PTPRM: variants seen among roughly 807,000 people sequenced by gnomAD.
The protein encoded by PTPRM is receptor-type tyrosine-protein phosphatase mu.
Under a neutral mutation model 186.7 loss-of-function variants are expected in PTPRM, and 47 were observed. The ratio of observed to expected loss-of-function variants is 0.25; its 90% CI spans 0.20 to 0.32. The LOEUF (loss-of-function observed/expected upper bound fraction) is 0.32. Ranked by LOEUF, PTPRM falls within the 10% of genes least tolerant of loss-of-function variation. The probability of loss-of-function intolerance (pLI) is 1.00; values close to 1 mark genes in which losing one functional copy is unlikely to be tolerated. For missense variants in PTPRM, 1,494 were observed against 1,865.0 expected (o/e 0.80, Z 3.66); for synonymous variants, 668 against 674.9 (o/e 0.99, Z 0.16).
intron 14 of PTPRM, among the ~76,000 whole-genome samples, chr18:8,190,387 T>C (rs978862): frequency 0.4 from 61,097 of 152,084 alleles, 13,132 homozygotes; most frequent in East Asian, 0.81. Flanking sequence ...TTTCTGTGCC[T>C]GTCTTCACTT....
chr18:8,232,522 C>T (rs1176297032), intron 14 of PTPRM, among the ~76,000 whole-genome samples: 1 of 152,146 alleles, frequency 6.6e-6, no homozygotes, highest in Non-Finnish European at 1.5e-5. Flanking sequence ...AGGAAACTGA[C>T]AAACTGTTTT....
chr18:8,118,017 T>C (rs993407012), intron 13 of PTPRM, among the ~76,000 whole-genome samples: 1 of 152,130 alleles, frequency 6.6e-6, no homozygotes, highest in Non-Finnish European at 1.5e-5. Context: ...TGGTAACTAG[T>C]AGGGTGGAAA....
intron 11 of PTPRM, among the ~76,000 whole-genome samples, chr18:8,098,887 TA>T (rs2091143825): frequency 6.6e-6 from 1 of 152,136 alleles, no homozygotes; most frequent in South Asian, 2.1e-4. Context: ...CCCAGCTTAA[TA>T]ACCCATCAGT....
chr18:8,345,193 C>T (rs2095498512), intron 23 of PTPRM, among the ~76,000 whole-genome samples: 1 of 151,922 alleles, frequency 6.6e-6, no homozygotes, highest in Admixed American at 6.6e-5. Flanking sequence ...ACCAACTAAG[C>T]ATCTAATTCA....
chr18:8,130,202 T>A (rs563853330), intron 13 of PTPRM, among the ~76,000 whole-genome samples: 1 of 152,198 alleles, frequency 6.6e-6, no homozygotes, highest in Non-Finnish European at 1.5e-5. Flanking sequence ...CTTTTCCAGC[T>A]TAGCTACCCT....
intron 1 of PTPRM, among the ~76,000 whole-genome samples, chr18:7,586,341 A>G (rs1008321821): frequency 1.3e-5 from 2 of 152,124 alleles, no homozygotes; most frequent in African/African-American, 4.8e-5. Context: ...TGCACTGGCA[A>G]TGAGGTGGCA....
Position 8,225,105 on chromosome 18 carries a change from C to T in PTPRM, c.2301-18953C>T, listed in dbSNP as rs529934910. On this transcript the variant is annotated intron_variant, in intron 14 of 32. Coordinates refer to ENST00000580170, the MANE Select transcript of PTPRM (RefSeq NM_001105244.2). Reference sequence around the variant, plus strand: ...ATTTCAAAATGGTGACATCTTAATTCTGTCATTCCTTCTGTATTTATTAAG... The same window carrying T: ...ATTTCAAAATGGTGACATCTTAATTTTGTCATTCCTTCTGTATTTATTAAG... Among the ~76,000 whole-genome samples the T allele has an allele frequency of 1.2e-4, 18 of 152,272 alleles. No individual in the cohort carries two copies. The South Asian group carries it at 3.5e-3, about 30-fold the overall frequency.
chr18:8,085,902 A>G, intron 10 of PTPRM, 30 bp downstream of exon 10: 1 of 1,589,834 alleles, frequency 6.3e-7, no homozygotes, highest in Non-Finnish European at 8.6e-7. Flanking sequence ...TGTGTCTTTT[A>G]TCAGAAGTAA....
chr18:7,682,811 G>C (rs1450170334), intron 1 of PTPRM, among the ~76,000 whole-genome samples: 1 of 152,132 alleles, frequency 6.6e-6, no homozygotes, highest in Non-Finnish European at 1.5e-5. Context: ...CTCAGATGCT[G>C]CCTCTTTCCT....
chr18:8,037,409 C>T (rs558203724), intron 7 of PTPRM, among the ~76,000 whole-genome samples: 135 of 152,182 alleles, frequency 8.9e-4, no homozygotes, highest in African/African-American at 3.0e-3. Context: ...CCTTTTTAAA[C>T]GTGATTTTAC....
At chr18:8,113,815 T>C (rs2091853034) in intron 12 of PTPRM, 56 bp downstream of exon 12, 3 of 1,453,976 alleles carry the variant, frequency 2.1e-6, no homozygotes, top group South Asian at 2.7e-5. Context: ...AATGTGAACA[T>C]AGATTAAGTA....
chr18:8,196,443 A>G (rs1237158404), intron 14 of PTPRM, among the ~76,000 whole-genome samples: 1 of 152,182 alleles, frequency 6.6e-6, no homozygotes, highest in Non-Finnish European at 1.5e-5. Context: ...TGCTATGCCA[A>G]TACAAGGAGG....
chr18:8,189,800 TA>T (rs1443365513), intron 14 of PTPRM, among the ~76,000 whole-genome samples: 1 of 152,230 alleles, frequency 6.6e-6, no homozygotes, highest in African/African-American at 2.4e-5. Flanking sequence ...AGCCCTCTTT[TA>T]AAATCCAACA....
At chr18:8,383,611 C>T (rs185893621) in intron 29 of PTPRM, among the ~76,000 whole-genome samples, 2 of 152,238 alleles carry the variant, frequency 1.3e-5, no homozygotes, top group East Asian at 3.9e-4. Context: ...ATCAACAATA[C>T]CTAGAGTTTG....
At chr18:8,095,006 T>A (rs944285334) in intron 11 of PTPRM, among the ~76,000 whole-genome samples, 2 of 152,172 alleles carry the variant, frequency 1.3e-5, no homozygotes, top group Non-Finnish European at 2.9e-5. Context: ...GCAAGGATAA[T>A]ACCCCTTATA....
chr18:7,669,663 G>T (rs559023126), intron 1 of PTPRM, among the ~76,000 whole-genome samples: 1 of 152,162 alleles, frequency 6.6e-6, no homozygotes, highest in Non-Finnish European at 1.5e-5. Context: ...TAGCTTTGCC[G>T]TTCCCTCCCC....
At chr18:7,677,427 C>G (rs564175063) in intron 1 of PTPRM, among the ~76,000 whole-genome samples, 12 of 152,146 alleles carry the variant, frequency 7.9e-5, no homozygotes, top group Non-Finnish European at 1.2e-4. Flanking sequence ...TGATGGCCAC[C>G]AGGACTGAAG....
chr18:8,084,249 A>G (rs2090312131), intron 9 of PTPRM, among the ~76,000 whole-genome samples: 1 of 152,162 alleles, frequency 6.6e-6, no homozygotes, highest in Non-Finnish European at 1.5e-5. Flanking sequence ...CATTGGAAGC[A>G]ATTATGCATT....
At chr18:7,869,921 G>T (rs1288247549) in intron 2 of PTPRM, among the ~76,000 whole-genome samples, 1 of 152,188 alleles carries the variant, frequency 6.6e-6, no homozygotes, top group African/African-American at 2.4e-5. Flanking sequence ...AAGAGCCCCA[G>T]TGTCTTCCCT....
Sources: gnomAD v4.1 joint callset for allele counts (sites outside exome capture counted in the v4.1 genomes callset) on GRCh38, gnomAD v4.1.1 for gene constraint, MANE v1.5 for transcripts, NCBI Gene and HGNC (gene_info 2026-07-23, HGNC 2026-07-21) for gene names.